The following ATRX variants were observed in gnomAD, a reference collection of about 807,000 sequenced individuals.
ATRX encodes the protein ATRX chromatin remodeler, also known as chromatin remodeler ATRX.
A neutral mutation model predicts 172.6 loss-of-function variants in ATRX; 12 were observed. The observed-to-expected ratio is 0.07, with a 90% confidence interval of 0.04 to 0.11. The LOEUF (loss-of-function observed/expected upper bound fraction) is 0.11, where lower values mean the gene tolerates loss of function less well. Ranked by LOEUF, ATRX falls within the 10% of genes least tolerant of loss-of-function variation. The probability of loss-of-function intolerance (pLI) is 1.00; values close to 1 mark genes in which losing one functional copy is unlikely to be tolerated. For missense variants in ATRX, 1,368 were observed against 1,767.4 expected (o/e 0.77, Z 4.05); for synonymous variants, 674 against 594.7 (o/e 1.13, Z -1.94).
chrX:77,776,296 G>C (rs1194676086), intron 1 of ATRX, among the ~76,000 whole-genome samples: 1 of 111,772 alleles, frequency 8.9e-6, no homozygotes, highest in Non-Finnish European at 1.9e-5. Flanking sequence ...CTGACACATG[G>C]TAATAGTAAT....
chrX:77,673,386 G>A (rs1435110048), intron 10 of ATRX, among the ~76,000 whole-genome samples: 1 of 110,747 alleles, frequency 9.0e-6, no homozygotes, highest in Non-Finnish European at 1.9e-5. Context: ...AACCTATTTG[G>A]TATTATTATT....
At chrX:77,572,840 G>A (rs782334556) in intron 28 of ATRX, among the ~76,000 whole-genome samples, 18 of 111,443 alleles carry the variant, frequency 1.6e-4, no homozygotes, top group Admixed American at 3.8e-4. Flanking sequence ...CTTAGGCTAC[G>A]GGTTTTCAAT....
chrX:77,618,552 T>C (rs1400740899), intron 21 of ATRX, among the ~76,000 whole-genome samples: 20 of 111,706 alleles, frequency 1.8e-4, no homozygotes, highest in African/African-American at 6.2e-4. Context: ...AATCTAAACA[T>C]TAACATAATA....
intron 1 of ATRX, among the ~76,000 whole-genome samples, chrX:77,769,954 G>A (rs781816764): frequency 6.4e-5 from 7 of 109,881 alleles, no homozygotes; most frequent in South Asian, 3.9e-4. Flanking sequence ...AAAAGCAGCC[G>A]GGTGTGGTGG....
At chrX:77,766,012 G>A (rs202182744) in intron 1 of ATRX, among the ~76,000 whole-genome samples, 78 of 106,082 alleles carry the variant, frequency 7.4e-4, no homozygotes, top group East Asian at 1.5e-3. Context: ...TTGGGGGTAA[G>A]GTCACAGATC....
intron 30 of ATRX, among the ~76,000 whole-genome samples, chrX:77,555,812 T>C (rs782324117): frequency 2.7e-5 from 3 of 110,258 alleles, no homozygotes; most frequent in Admixed American, 9.7e-5. Flanking sequence ...CCATGGCACA[T>C]GTATACCTAT....
intron 7 of ATRX, among the ~76,000 whole-genome samples, chrX:77,688,208 G>C (rs1289767305): frequency 9.0e-6 from 1 of 111,348 alleles, no homozygotes; most frequent in Non-Finnish European, 1.9e-5. Flanking sequence ...CAAAGTGCTA[G>C]GATTACAAGC....
intron 22 of ATRX, among the ~76,000 whole-genome samples, chrX:77,613,881 T>A (rs1367478705): frequency 1.8e-5 from 2 of 111,962 alleles, no homozygotes; most frequent in African/African-American, 6.5e-5. Context: ...TTATAAAACC[T>A]TAAGTGTTTA....
chrX:77,762,256 G>T lies in ATRX; in HGVS notation c.20+23726C>A, dbSNP rs143221537. Reference sequence around the variant, plus strand: ...GAGGTGGAGCTTTGCAGTGAGCAGAGATCACGCCACTGCACTCCAGCCTGG... The same window carrying T: ...GAGGTGGAGCTTTGCAGTGAGCAGATATCACGCCACTGCACTCCAGCCTGG... On this transcript the variant is annotated intron_variant, in intron 1 of 34. Coordinates refer to ENST00000373344, the MANE Select transcript of ATRX (RefSeq NM_000489.6). 9.3e-3 allele frequency among the ~76,000 whole-genome samples: 851 copies of T among 91,943 alleles called. 13 individuals are homozygous for T. Among genetic ancestry groups the T allele is most frequent in the African/African-American group, 0.034 (816 of 23,788 alleles). 79.8% of individuals were successfully genotyped at this position (91,943 alleles called of 115,157 possible).
intron 19 of ATRX, among the ~76,000 whole-genome samples, chrX:77,623,592 C>T (rs952118392): frequency 9.0e-6 from 1 of 111,378 alleles, no homozygotes; most frequent in African/African-American, 3.3e-5. Context: ...GGAAAGATCA[C>T]GACCAAAAAA....
intron 30 of ATRX, among the ~76,000 whole-genome samples, chrX:77,549,619 A>T (rs1042841425): frequency 1.8e-5 from 2 of 112,663 alleles, no homozygotes; most frequent in East Asian, 2.8e-4. Context: ...CTTGTGTTAA[A>T]CTACTTATAA....
chrX:77,572,065 C>T (rs1401582342), intron 28 of ATRX, among the ~76,000 whole-genome samples: 1 of 111,384 alleles, frequency 9.0e-6, no homozygotes, highest in African/African-American at 3.3e-5. Flanking sequence ...TTTCCTTGCT[C>T]TTTTCATTTT....
chrX:77,749,657 G>A (rs1420694323), intron 1 of ATRX, among the ~76,000 whole-genome samples: 1 of 111,591 alleles, frequency 9.0e-6, no homozygotes, highest in Non-Finnish European at 1.9e-5. Flanking sequence ...TTTGTCCATG[G>A]TTGTTTTGCT....
intron 26 of ATRX, 38 bp from the exon 27 acceptor site, chrX:77,589,978 C>A (rs375820930): frequency 4.7e-6 from 5 of 1,055,760 alleles, no homozygotes; most frequent in Non-Finnish European, 6.6e-6. Context: ...TTAGAAGATT[C>A]CTAGTAAAGA....
In ATRX at chrX:77,656,144, T is replaced by C. The variant is rs183229480; in HGVS notation, c.4214+416A>G. ...TAAACCTTGTACACGTATTGTCTCA[T>C]TTAATGCCCACAATAGTCAGTCAAG... is the stretch of plus-strand genomic sequence containing the variant. On this transcript the variant is annotated intron_variant, in intron 13 of 34. Coordinates refer to ENST00000373344, the MANE Select transcript of ATRX (RefSeq NM_000489.6). Among the ~76,000 whole-genome samples the C allele has an allele frequency of 1.7e-3, 194 of 111,747 alleles. 1 individual carries two copies. The highest frequency in any genetic ancestry group is 5.9e-3 in the African/African-American group (181 of 30,895).
chrX:77,599,386 T>C (rs371432056), intron 25 of ATRX, 25 bp downstream of exon 25: 1 of 1,207,529 alleles, frequency 8.3e-7, no homozygotes, highest in Non-Finnish European at 1.1e-6. Context: ...TGTTCCATGA[T>C]AAAGGCAACA....
At position 77,545,994 on chromosome X, in the gene ATRX, TC is replaced by T. The variant is rs782374334; in HGVS notation, c.6699+11456del. ...TAGTAACTAGATGAAATCCATACCC[TC>T]CCCAATATTATACACCTTGATAACA... On this transcript the variant is annotated intron_variant, in intron 30 of 34. Transcript: ENST00000373344. Among the ~76,000 whole-genome samples, 3 of 111,035 alleles carry T rather than the reference TC, an allele frequency of 2.7e-5. No homozygotes were observed. The South Asian group carries it at 1.1e-3, about 42-fold the overall frequency.
chrX:77,660,242 G>GT (rs1317625351), intron 12 of ATRX, among the ~76,000 whole-genome samples: 6 of 112,026 alleles, frequency 5.4e-5, no homozygotes, highest in Non-Finnish European at 9.4e-5. Flanking sequence ...TATAGAATCT[G>GT]TAAGAGCTTG....
At chrX:77,665,035 A>G (rs2070158203) in intron 10 of ATRX, among the ~76,000 whole-genome samples, 1 of 112,287 alleles carries the variant, frequency 8.9e-6, no homozygotes, top group Non-Finnish European at 1.9e-5. Context: ...GACATATTCT[A>G]TTGACTATTT....
Sources: allele counts gnomAD v4.1 joint callset (sites outside exome capture counted in the v4.1 genomes callset), GRCh38; gene constraint gnomAD v4.1.1; transcripts MANE v1.5; gene names NCBI Gene and HGNC (gene_info 2026-07-23, HGNC 2026-07-21).